LAMA2: variants seen among roughly 807,000 people sequenced by gnomAD.
LAMA2 encodes the protein laminin subunit alpha-2.
A neutral mutation model predicts 364.8 loss-of-function variants in LAMA2; 269 were observed. The observed-to-expected ratio is 0.74, with a 90% CI of 0.67 to 0.82. The LOEUF (loss-of-function observed/expected upper bound fraction) is 0.82, where lower values mean the gene tolerates loss of function less well. Among genes scored for constraint, LAMA2 ranks in the 40% least tolerant of loss-of-function variants. The pLI is 0.00. For missense variants in LAMA2, 3,807 were observed against 3,873.2 expected, an observed-to-expected ratio of 0.98 and a Z score of 0.45; for synonymous variants, 1,379 against 1,370.6, an observed-to-expected ratio of 1.01 and a Z score of -0.14.
At chr6:129,246,135 G>A (rs1386001728) in intron 12 of LAMA2, among the ~76,000 whole-genome samples, 1 of 152,190 alleles carries the variant, frequency 6.6e-6, no homozygotes, top group Non-Finnish European at 1.5e-5. Flanking sequence ...CTGATGGGAT[G>A]TGGTACCTTT....
chr6:128,886,407 G>A (rs915632223), intron 1 of LAMA2, among the ~76,000 whole-genome samples: 1 of 152,140 alleles, frequency 6.6e-6, no homozygotes, highest in Non-Finnish European at 1.5e-5. Flanking sequence ...CAGCAAGTTC[G>A]ATATGAACAT....
At position 129,158,042 on chromosome 6, in the gene LAMA2, A is replaced by G. The variant is rs539705289; in HGVS notation, c.1206+3359A>G. On this transcript the variant is annotated intron_variant, in intron 8 of 64. Coordinates refer to ENST00000421865, the MANE Select transcript of LAMA2 (RefSeq NM_000426.4). ...GGATGTTTTTGCTCTTTAGGTCTCG[A>G]TGAGCAATTGCGGGCTTTCCTTGGG... 2.5e-6 allele frequency: 4 copies of G among 1,612,678 alleles called. No individual in the cohort carries two copies. In the Admixed American group the frequency reaches 6.7e-5, roughly 27 times the overall value.
At chr6:129,293,762 G>A (rs903255573) in intron 20 of LAMA2, among the ~76,000 whole-genome samples, 1 of 152,166 alleles carries the variant, frequency 6.6e-6, no homozygotes, top group African/African-American at 2.4e-5. Context: ...GTAGAGAATT[G>A]AGGATAGGGC....
At chr6:129,418,682 AT>A (rs1355649794) in intron 40 of LAMA2, among the ~76,000 whole-genome samples, 4 of 152,084 alleles carry the variant, frequency 2.6e-5, no homozygotes, top group African/African-American at 9.7e-5. Flanking sequence ...GCAGGCCAGA[AT>A]TTGGGAATTA....
intron 12 of LAMA2, among the ~76,000 whole-genome samples, chr6:129,239,696 A>T (rs1317508429): frequency 6.6e-6 from 1 of 152,070 alleles, no homozygotes; most frequent in Non-Finnish European, 1.5e-5. Flanking sequence ...TTATTTATTT[A>T]TTTTAGATGA....
At chr6:129,269,687 T>C (rs1489354140) in intron 16 of LAMA2, among the ~76,000 whole-genome samples, 1 of 152,042 alleles carries the variant, frequency 6.6e-6, no homozygotes, top group Non-Finnish European at 1.5e-5. Context: ...CAAATAATTT[T>C]ACAAAAAAAC....
In LAMA2 at chr6:128,953,995, T is replaced by C. The variant is rs548576419; in HGVS notation, c.112+70638T>C. 3.3e-5 allele frequency among the ~76,000 whole-genome samples: 5 copies of C among 152,298 alleles called. No individual in the cohort carries two copies. In the East Asian group the frequency reaches 7.7e-4, roughly 23 times the overall value. The stretch of plus-strand genomic sequence containing the variant: ...GGGATCAAATTGTATCCTGCAGATT[T>C]TTGTTATGCTAAATTTCATTTCATC... On this transcript the variant is annotated intron_variant, in intron 1 of 64. Transcript: ENST00000421865.
chr6:128,951,668 T>C (rs911707416), intron 1 of LAMA2, among the ~76,000 whole-genome samples: 1 of 152,152 alleles, frequency 6.6e-6, no homozygotes, highest in South Asian at 2.1e-4. Flanking sequence ...CAGTCTAGTG[T>C]CATCAAGGCT....
chr6:129,222,911 T>A (rs946043906), intron 12 of LAMA2, among the ~76,000 whole-genome samples: 2 of 152,208 alleles, frequency 1.3e-5, no homozygotes, highest in African/African-American at 4.8e-5. Context: ...CCTTGAGGAA[T>A]CGCCCCACTG....
chr6:129,037,305 A>C (rs1403151376), intron 1 of LAMA2, among the ~76,000 whole-genome samples: 1 of 152,072 alleles, frequency 6.6e-6, no homozygotes, highest in Non-Finnish European at 1.5e-5. Context: ...AAGTAAGATG[A>C]GAGAGAGAGG....
At chr6:129,153,941 T>C (rs1419372453) in intron 7 of LAMA2, among the ~76,000 whole-genome samples, 1 of 152,202 alleles carries the variant, frequency 6.6e-6, no homozygotes, top group Non-Finnish European at 1.5e-5. Flanking sequence ...TTGAACCATA[T>C]AAAATTGCAC....
intron 12 of LAMA2, among the ~76,000 whole-genome samples, chr6:129,236,924 T>C (rs1785035518): frequency 6.6e-6 from 1 of 152,222 alleles, no homozygotes; most frequent in African/African-American, 2.4e-5. Flanking sequence ...TATGATTGTG[T>C]ATTTCATTGA....
chr6:129,420,692 G>C (rs1781029800), intron 40 of LAMA2, among the ~76,000 whole-genome samples: 1 of 152,060 alleles, frequency 6.6e-6, no homozygotes, highest in Non-Finnish European at 1.5e-5. Context: ...TAATAAAAAA[G>C]TAATTTGGGG....
intron 37 of LAMA2, among the ~76,000 whole-genome samples, chr6:129,397,938 GAAAAAAAAAAAAAA>G (rs58131786): frequency 9.7e-6 from 1 of 103,534 alleles, no homozygotes; most frequent in African/African-American, 4.0e-5. Flanking sequence ...CTCCGTCTCA[GAAAAAAAAAAAAAA>G]AAAAAAAAAA....
At chr6:129,173,569 G>C (rs895204472) in intron 9 of LAMA2, among the ~76,000 whole-genome samples, 4 of 151,914 alleles carry the variant, frequency 2.6e-5, no homozygotes, top group Non-Finnish European at 5.9e-5. Context: ...ATTCAGCTCT[G>C]GACCAATAAT....
chr6:129,037,916 A>G (rs1010145342), intron 1 of LAMA2, among the ~76,000 whole-genome samples: 3 of 152,108 alleles, frequency 2.0e-5, no homozygotes, highest in South Asian at 2.1e-4. Flanking sequence ...TGATCTGCCC[A>G]CCTTGGCCTC....
intron 3 of LAMA2, among the ~76,000 whole-genome samples, chr6:129,068,036 T>G (rs1192255904): frequency 6.6e-6 from 1 of 152,228 alleles, no homozygotes; most frequent in Non-Finnish European, 1.5e-5. Context: ...AAATGCAATT[T>G]TTTTGTGCGT....
At chr6:129,467,484 T>A (rs1026650133) in intron 51 of LAMA2, among the ~76,000 whole-genome samples, 5 of 151,734 alleles carry the variant, frequency 3.3e-5, no homozygotes, top group African/African-American at 1.2e-4. Flanking sequence ...AAACAAACCT[T>A]CATATGCACC....
chr6:128,927,160 T>C lies in LAMA2; in HGVS notation c.112+43803T>C, dbSNP rs555934026. On this transcript the variant is annotated intron_variant, in intron 1 of 64. Coordinates refer to ENST00000421865, the MANE Select transcript of LAMA2 (RefSeq NM_000426.4). ...CTGATAAAATGGCTAAAGCATTTCC[T>C]GGTCAACACACCACTCTCCCTCCTC... Among the ~76,000 whole-genome samples the C allele has an allele frequency of 3.3e-5, 5 of 152,296 alleles. No homozygotes were observed. The South Asian group carries it at 8.3e-4, about 25-fold the overall frequency.
Sources: gnomAD v4.1 joint callset for allele counts (sites outside exome capture counted in the v4.1 genomes callset) on GRCh38, gnomAD v4.1.1 for gene constraint, MANE v1.5 for transcripts, NCBI Gene and HGNC (gene_info 2026-07-23, HGNC 2026-07-21) for gene names.